The following DPH6 variants were observed in gnomAD, a reference collection of about 807,000 sequenced individuals.
DPH6 encodes diphthamine biosynthesis 6.
In DPH6, 33 loss-of-function variants were observed where a neutral mutation model predicts 38.2. The ratio of observed to expected loss-of-function variants is 0.86; its 90% CI spans 0.65 to 1.15. DPH6 has a LOEUF of 1.15. Among genes scored for constraint, DPH6 ranks in the 50% most tolerant of loss-of-function variants. DPH6 has a pLI of 0.00. For missense variants in DPH6, 325 were observed against 320.0 expected (o/e 1.02, Z -0.12); for synonymous variants, 108 against 103.0 (o/e 1.05, Z -0.30).
intron 3 of DPH6, among the ~76,000 whole-genome samples, chr15:35,458,059 T>C (rs2054018189): frequency 6.6e-6 from 1 of 152,224 alleles, no homozygotes. Flanking sequence ...AGATTACTTA[T>C]AATACCCAAA....
intron 3 of DPH6, among the ~76,000 whole-genome samples, chr15:35,511,468 G>A (rs16961143): frequency 0.024 from 3,681 of 152,114 alleles, 140 homozygotes; most frequent in African/African-American, 0.079. Flanking sequence ...AGTAGAATGC[G>A]AATGAGAGGA....
chr15:35,474,612 G>T (rs958284414), intron 3 of DPH6, among the ~76,000 whole-genome samples: 10 of 152,066 alleles, frequency 6.6e-5, no homozygotes, highest in Admixed American at 1.3e-4. Flanking sequence ...ATGAGAAAAA[G>T]AAATTGCTGA....
intron 3 of DPH6, chr15:35,518,938 C>T (rs890307932): frequency 6.6e-6 from 1 of 151,862 alleles, no homozygotes; most frequent in Non-Finnish European, 1.5e-5. Flanking sequence ...AAAGCAGCTG[C>T]AGGGGTTAAG....
At chr15:35,358,545 G>C (rs1342137734) in intron 3 of DPH6, among the ~76,000 whole-genome samples, 1 of 152,194 alleles carries the variant, frequency 6.6e-6, no homozygotes, top group East Asian at 1.9e-4. Context: ...GCTGAAGGCT[G>C]TTGTTCAGAT....
At chr15:35,255,047 G>A (rs1259850613) in intron 3 of DPH6, among the ~76,000 whole-genome samples, 2 of 152,172 alleles carry the variant, frequency 1.3e-5, no homozygotes, top group Non-Finnish European at 2.9e-5. Context: ...TAGGCCATCT[G>A]GATGTATACG....
chr15:35,221,547 C>G (rs1595433672), intron 3 of DPH6, among the ~76,000 whole-genome samples: 2 of 152,170 alleles, frequency 1.3e-5, no homozygotes, highest in Admixed American at 1.3e-4. Flanking sequence ...CATTATGGGT[C>G]TGTATGTTCC....
the DPH6 span, among the ~76,000 whole-genome samples, chr15:35,200,151 A>G: frequency 2.0e-5 from 3 of 152,290 alleles, no homozygotes; most frequent in East Asian, 5.8e-4. Context: ...GATTCTAGGG[A>G]AAACAGAGAA....
chr15:35,507,564 A>G (rs964396250), intron 3 of DPH6, among the ~76,000 whole-genome samples: 8 of 152,230 alleles, frequency 5.3e-5, no homozygotes, highest in African/African-American at 1.9e-4. Flanking sequence ...CCCCATAAGC[A>G]AAACAATTTT....
At position 35,412,281 on chromosome 15, in the gene DPH6, C is replaced by G. The variant is rs750184705; in HGVS notation, c.506-1385G>C. On this transcript the variant is annotated intron_variant, in intron 5 of 8. Transcript: ENST00000256538. ...TGTCACCAGAGAAATGCAAATAAAA[C>G]AAGAAGAAGAAACCACTACACACCT... Among the ~76,000 whole-genome samples the G allele has an allele frequency of 6.6e-5, 10 of 151,518 alleles. No homozygotes were observed. The South Asian group carries it at 1.0e-3, about 16-fold the overall frequency.
chr15:35,148,379 T>C, the DPH6 span, among the ~76,000 whole-genome samples: 2 of 152,224 alleles, frequency 1.3e-5, no homozygotes. Context: ...ATGTCTTTTG[T>C]AGAATGTGTT....
chr15:35,398,061 C>T (rs2140971968), intron 6 of DPH6, among the ~76,000 whole-genome samples: 1 of 152,254 alleles, frequency 6.6e-6, no homozygotes, highest in South Asian at 2.1e-4. Flanking sequence ...GCTATACTTT[C>T]TGTGATACTG....
At chr15:35,201,331 C>T in the DPH6 span, among the ~76,000 whole-genome samples, 3 of 151,732 alleles carry the variant, frequency 2.0e-5, no homozygotes, top group Middle Eastern at 6.8e-3. Flanking sequence ...CTGTTCCATT[C>T]GATTGATCTT....
At chr15:35,182,628 G>A in the DPH6 span, among the ~76,000 whole-genome samples, 3 of 152,094 alleles carry the variant, frequency 2.0e-5, no homozygotes, top group Non-Finnish European at 4.4e-5. Context: ...TTGAAGTGAG[G>A]AACAAAGGAA....
chr15:35,298,716 A>G, intron 3 of DPH6: 1 of 1,581,626 alleles, frequency 6.3e-7, no homozygotes, highest in Non-Finnish European at 8.7e-7. Context: ...CGGAAGCCGT[A>G]CTTCTGTATG....
intron 5 of DPH6, among the ~76,000 whole-genome samples, chr15:35,429,319 G>A (rs1015306728): frequency 2.6e-5 from 4 of 152,038 alleles, no homozygotes; most frequent in Non-Finnish European, 4.4e-5. Context: ...TGGTTTTAGG[G>A]ACTGAAATTC....
the DPH6 span, among the ~76,000 whole-genome samples, chr15:35,208,448 T>C: frequency 1.3e-5 from 2 of 152,190 alleles, no homozygotes; most frequent in South Asian, 2.1e-4. Context: ...AAGAGGCAGC[T>C]AGAGCTGACT....
At chr15:35,305,660 T>TA (rs1437735658) in intron 3 of DPH6, among the ~76,000 whole-genome samples, 4 of 152,168 alleles carry the variant, frequency 2.6e-5, no homozygotes, top group African/African-American at 9.7e-5. Flanking sequence ...GAAAGATCTT[T>TA]AAGATCTCAC....
In DPH6 at chr15:35,544,687, C is replaced by T. The variant is rs149701212; in HGVS notation, c.23+1432G>A. On this transcript the variant is annotated intron_variant, in intron 1 of 8. Transcript: ENST00000256538. Reference sequence around the variant, plus strand: ...ACTTACAGCATATGTCCTTACAGCTCTTACGCTTCAGCAAGAATTTTCCAA... The same window carrying T: ...ACTTACAGCATATGTCCTTACAGCTTTTACGCTTCAGCAAGAATTTTCCAA... Among the ~76,000 whole-genome samples the T allele has an allele frequency of 5.2e-3, 791 of 152,214 alleles. 5 individuals carry two copies. Among genetic ancestry groups the T allele is most frequent in the East Asian group, 0.034 (175 of 5,184 alleles).
Position 35,447,738 on chromosome 15 carries a change from C to T in DPH6, c.505+2947G>A, listed in dbSNP as rs567161395. 6.6e-5 allele frequency among the ~76,000 whole-genome samples: 10 copies of T among 152,160 alleles called. No homozygotes were observed. In the East Asian group the frequency reaches 1.7e-3, roughly 26 times the overall value. ...GATATTGTGTTTTGTGCATTGACAA[C>T]ACTTTCCTTTGGTATGTGCAACTTT... On this transcript the variant is annotated intron_variant, in intron 5 of 8. Transcript: ENST00000256538.
Sources: gnomAD v4.1 joint callset for allele counts (sites outside exome capture counted in the v4.1 genomes callset) on GRCh38, gnomAD v4.1.1 for gene constraint, MANE v1.5 for transcripts, NCBI Gene and HGNC (gene_info 2026-07-23, HGNC 2026-07-21) for gene names.